PDE4D: variants seen among roughly 807,000 people sequenced by gnomAD.
The protein encoded by PDE4D is phosphodiesterase 4D.
PDE4D carries 24 observed loss-of-function variants against 87.4 expected under a neutral mutation model. The observed-to-expected ratio is 0.27, with a 90% CI of 0.20 to 0.39. The LOEUF (loss-of-function observed/expected upper bound fraction) is 0.39, where lower values mean the gene tolerates loss of function less well. PDE4D is among the 10% of genes least tolerant of loss of function. The pLI is 1.00. For missense variants in PDE4D, 714 were observed against 1,041.0 expected (o/e 0.69, Z 4.32); for synonymous variants, 384 against 383.2 (o/e 1.00, Z -0.02).
chr5:59,181,071 GTGAA>G (rs1369874241), intron 4 of PDE4D, among the ~76,000 whole-genome samples: 1 of 152,152 alleles, frequency 6.6e-6, no homozygotes, highest in African/African-American at 2.4e-5. Context: ...ATTATCAGAA[GTGAA>G]TGATTTGTTG....
intron 1 of PDE4D, among the ~76,000 whole-genome samples, chr5:60,309,307 C>A (rs1754790748): frequency 6.6e-6 from 1 of 152,136 alleles, no homozygotes; most frequent in South Asian, 2.1e-4. Flanking sequence ...TTTCCTACAA[C>A]TTCCATTCTC....
chr5:59,509,876 TAG>T (rs1809974455), intron 1 of PDE4D, among the ~76,000 whole-genome samples: 2 of 147,334 alleles, frequency 1.4e-5, no homozygotes, highest in Non-Finnish European at 3.0e-5. Context: ...ATATAAAATA[TAG>T]GTTTATATTA....
chr5:60,293,320 C>A (rs1385620876), intron 1 of PDE4D, among the ~76,000 whole-genome samples: 1 of 152,016 alleles, frequency 6.6e-6, no homozygotes, highest in Non-Finnish European at 1.5e-5. Flanking sequence ...CAAGACCATC[C>A]TGGCTAACAC....
chr5:60,289,089 T>A (rs1485129180), intron 1 of PDE4D, among the ~76,000 whole-genome samples: 1 of 152,180 alleles, frequency 6.6e-6, no homozygotes, highest in African/African-American at 2.4e-5. Flanking sequence ...ACTACGTTTT[T>A]GCAGCTAAAA....
chr5:60,405,905 A>G (rs1277465927), intron 1 of PDE4D, among the ~76,000 whole-genome samples: 2 of 152,236 alleles, frequency 1.3e-5, no homozygotes, highest in African/African-American at 4.8e-5. Flanking sequence ...AAACCCAAGC[A>G]CTTTCCACCA....
At chr5:60,313,279 A>G (rs1755218869) in intron 1 of PDE4D, among the ~76,000 whole-genome samples, 1 of 152,122 alleles carries the variant, frequency 6.6e-6, no homozygotes, top group Non-Finnish European at 1.5e-5. Flanking sequence ...AATACAAAAA[A>G]CCCTCAGAGA....
chr5:59,315,000 G>C (rs560779244), intron 1 of PDE4D, among the ~76,000 whole-genome samples: 19 of 152,256 alleles, frequency 1.2e-4, no homozygotes, highest in Non-Finnish European at 2.5e-4. Context: ...CCTTGTTGGG[G>C]GGAAAGAGCC....
intron 5 of PDE4D, among the ~76,000 whole-genome samples, chr5:59,063,870 T>C (rs1763497998): frequency 6.6e-6 from 1 of 152,096 alleles, no homozygotes; most frequent in Admixed American, 6.6e-5. Context: ...GAAAATAGGA[T>C]AGTCTTGGCA....
intron 1 of PDE4D, among the ~76,000 whole-genome samples, chr5:59,445,296 C>T (rs1798187616): frequency 6.6e-6 from 1 of 152,078 alleles, no homozygotes; most frequent in Non-Finnish European, 1.5e-5. Context: ...CATTCAGTAC[C>T]ACATTTTTCA....
At chr5:59,821,377 A>G (rs1006704915) in intron 1 of PDE4D, among the ~76,000 whole-genome samples, 3 of 152,258 alleles carry the variant, frequency 2.0e-5, no homozygotes, top group Non-Finnish European at 2.9e-5. Flanking sequence ...AGGTAACTCC[A>G]TTTTGAATCA....
intron 1 of PDE4D, among the ~76,000 whole-genome samples, chr5:59,628,449 GATTT>G (rs1425417420): frequency 1.3e-5 from 2 of 152,142 alleles, no homozygotes; most frequent in Admixed American, 6.6e-5. Context: ...TTTAAATTTA[GATTT>G]ATTAAAATAA....
chr5:60,039,627 T>C (rs961537408), intron 2 of PDE4D, among the ~76,000 whole-genome samples: 1 of 151,796 alleles, frequency 6.6e-6, no homozygotes, highest in East Asian at 1.9e-4. Flanking sequence ...AAAATATAGA[T>C]ATATATGACA....
intron 1 of PDE4D, among the ~76,000 whole-genome samples, chr5:59,591,515 T>C (rs1825918992): frequency 1.3e-5 from 2 of 152,214 alleles, no homozygotes; most frequent in East Asian, 1.9e-4. Flanking sequence ...CATCATTGCA[T>C]TTTGGTATAA....
intron 2 of PDE4D, among the ~76,000 whole-genome samples, chr5:60,058,024 A>G (rs1348603360): frequency 2.6e-5 from 4 of 151,960 alleles, no homozygotes; most frequent in East Asian, 1.9e-4. Context: ...TGGATGCTCT[A>G]TGTTTAAGTG....
At chr5:59,477,311 A>G (rs776891437) in intron 1 of PDE4D, among the ~76,000 whole-genome samples, 3 of 146,142 alleles carry the variant, frequency 2.1e-5, no homozygotes, top group African/African-American at 8.1e-5. Flanking sequence ...ATATTAACTA[A>G]CCTGCACAAT....
intron 1 of PDE4D, among the ~76,000 whole-genome samples, chr5:60,191,834 T>TA (rs572196858): frequency 9.3e-5 from 14 of 149,860 alleles, no homozygotes; most frequent in African/African-American, 2.0e-4. Context: ...CTGTCTCCAT[T>TA]AAAAAAAAAT....
chr5:59,668,854 A>AGAGGAG (rs1561441385), intron 1 of PDE4D, among the ~76,000 whole-genome samples: 2 of 56,668 alleles, frequency 3.5e-5, no homozygotes, highest in Non-Finnish European at 6.5e-5. Context: ...AGGAAGAAGA[A>AGAGGAG]GAAGAAGAAG....
intron 1 of PDE4D, among the ~76,000 whole-genome samples, chr5:59,858,373 C>T (rs1228406907): frequency 6.6e-6 from 1 of 151,962 alleles, no homozygotes; most frequent in African/African-American, 2.4e-5. Flanking sequence ...AATCCCTACT[C>T]CTTGCATCTA....
intron 3 of PDE4D, among the ~76,000 whole-genome samples, chr5:59,946,321 ATTAC>A (rs1456653970): frequency 1.3e-5 from 2 of 152,180 alleles, no homozygotes; most frequent in Non-Finnish European, 2.9e-5. Context: ...GACATAATGA[ATTAC>A]TTGGAATTAA....
Sources: allele counts gnomAD v4.1 joint callset (sites outside exome capture counted in the v4.1 genomes callset), GRCh38; gene constraint gnomAD v4.1.1; transcripts MANE v1.5; gene names NCBI Gene and HGNC (gene_info 2026-07-23, HGNC 2026-07-21).